The following MEN1 variants were observed in gnomAD, a reference collection of about 807,000 sequenced individuals.
MEN1 encodes menin 1.
Under a neutral mutation model 58.0 loss-of-function variants are expected in MEN1, and 6 were observed. That is an observed-to-expected ratio of 0.10 (90% confidence interval 0.06 to 0.20). MEN1 has a LOEUF of 0.20. Among genes scored for constraint, MEN1 ranks in the 10% least tolerant of loss-of-function variants. The pLI, the probability that MEN1 is intolerant of heterozygous loss-of-function variation, is 1.00. For synonymous variants in MEN1, 346 were observed against 350.7 expected, an observed-to-expected ratio of 0.99 and a Z score of 0.15; for missense variants, 492 against 818.5, an observed-to-expected ratio of 0.60 and a Z score of 4.87.
At chr11:64,805,558 T>C (rs899991405) in intron 8 of MEN1, 77 bp downstream of exon 8, 1 of 1,569,834 alleles carries the variant, frequency 6.4e-7, no homozygotes, top group African/African-American at 1.3e-5. Context: ...ATCCCGTACA[T>C]GCAGCCCCCA....
In MEN1 at chr11:64,804,935, G is replaced by A. The variant is rs1941590250; in HGVS notation, c.1350+99C>T. ...GGTCTCAGTCCCATCGGCACCCAAGGGGATGGGCAGATGCTGCCCCTGGGC... is the reference window on the plus strand; with the variant it reads ...GGTCTCAGTCCCATCGGCACCCAAGAGGATGGGCAGATGCTGCCCCTGGGC... On this transcript the variant is annotated intron_variant, in intron 9 of 9. Coordinates refer to ENST00000450708, the MANE Select transcript of MEN1 (RefSeq NM_001370259.2). The surrounding 1 kb of genome is among the most constrained non-coding windows in gnomAD (Gnocchi z 4.2). 1 of 1,598,224 alleles carries A rather than the reference G, an allele frequency of 6.3e-7. No homozygotes were observed. Among genetic ancestry groups the A allele is most frequent in the East Asian group, 2.2e-5 (1 of 44,878 alleles).
Position 64,804,636 on chromosome 11 carries a change from C to G in MEN1, c.1531G>C (p.Val511Leu). The G allele has an allele frequency of 6.2e-7, 1 of 1,604,666 alleles. No individual in the cohort carries two copies. The highest frequency in any genetic ancestry group is 8.5e-7 in the Non-Finnish European group (1 of 1,177,444). ...DKGLGTGQGA[V>L]SGPPRKPPGT... is the part of the protein sequence containing the mutation. ...GGAGGCTTCCGGGGGGGTCCTGACA[C>G]TGCACCCTGGCCGGTGCCCAGGCCC... Residue 511 changes from valine (V) to leucine (L), a missense_variant, in exon 10 of 10, where the codon GTG becomes CTG. Val to Leu is a conservative substitution (Grantham distance 32). Around this residue, in one of 5 missense-constraint regions of MEN1, gnomAD observed 79 missense variants for 82.5 expected, o/e 0.96. Transcript: ENST00000450708. This position sits in a 1 kb window ranked among gnomAD's most constrained non-coding sequence, Gnocchi z 4.2.
chr11:64,803,983 G>A lies in MEN1; in HGVS notation c.*351C>T. ...AAACCTCAGCTCCTACAAGCTGGGA[G>A]GAGCCCTGAGTAACGTTGGTCTGGC... On this transcript the variant is annotated 3_prime_UTR_variant, in exon 10 of 10. Coordinates refer to ENST00000450708, the MANE Select transcript of MEN1 (RefSeq NM_001370259.2). The A allele has an allele frequency of 2.4e-6, 1 of 419,888 alleles. No individual in the cohort carries two copies. The highest frequency in any genetic ancestry group is 2.6e-5 in the South Asian group (1 of 38,992). 26.0% of individuals were successfully genotyped at this position (419,888 alleles called of 1,614,324 possible). A position where few individuals can be genotyped will look rare whatever the true frequency, so the allele number is the denominator to read the frequency against.
chr11:64,807,272 C>T lies in MEN1; in HGVS notation c.784-53G>A, dbSNP rs1565646132. The T allele has an allele frequency of 1.3e-6, 2 of 1,589,516 alleles. No individual in the cohort carries two copies. Among genetic ancestry groups the T allele is most frequent in the Non-Finnish European group, 1.7e-6 (2 of 1,168,768 alleles). ...CCACGGAACAGGGAGGAGAACGGGT[C>T]CTTAGCCTATCGGGCAGAGGTGGGG... On this transcript the variant is annotated intron_variant, in intron 4 of 9. Transcript: ENST00000450708. This position sits in a 1 kb window ranked among gnomAD's most constrained non-coding sequence, Gnocchi z 4.9.
Position 64,807,001 on chromosome 11 carries a change from A to G in MEN1, c.912+10T>C, listed in dbSNP as rs1565645317. ...GGTCTCCCTTCTGCACCCTCCTTAG[A>G]TGCCCCCACCTTGTGGTAGAGGGTG... is the stretch of plus-strand genomic sequence containing the variant. On this transcript the variant is annotated intron_variant, in intron 6 of 9. Transcript: ENST00000450708. This position sits in a 1 kb window ranked among gnomAD's most constrained non-coding sequence, Gnocchi z 4.9. 24 of 1,612,052 alleles carry G rather than the reference A, an allele frequency of 1.5e-5. No homozygotes were observed. Among genetic ancestry groups the G allele is most frequent in the Non-Finnish European group, 1.9e-5 (22 of 1,179,662 alleles).
Position 64,803,948 on chromosome 11 carries a change from G to A in MEN1, c.*386C>T. ...TGGAGGTGGGACCTGTGCTCCTTGGGTTAAGGGTGAAACCTCAGCTCCTAC... is the reference window on the plus strand; with the variant it reads ...TGGAGGTGGGACCTGTGCTCCTTGGATTAAGGGTGAAACCTCAGCTCCTAC... On this transcript the variant is annotated 3_prime_UTR_variant, in exon 10 of 10. Coordinates refer to ENST00000450708, the MANE Select transcript of MEN1 (RefSeq NM_001370259.2). 2.6e-6 allele frequency: 1 copy of A among 389,176 alleles called. No individual in the cohort carries two copies. Among genetic ancestry groups the A allele is most frequent in the Non-Finnish European group, 4.8e-6 (1 of 208,776 alleles). The allele number at this position is 389,176 out of a possible 1,614,324, so 24.1% of individuals were successfully genotyped here. A position where few individuals can be genotyped will look rare whatever the true frequency, so the allele number is the denominator to read the frequency against.
At position 64,807,426 on chromosome 11, in the gene MEN1, G is replaced by T; in HGVS notation, c.783+126C>A. ...AGAGCCCTGGGAAAGGCCAGGCCAG[G>T]AATTACTAACCCATTTTTCCAGGAG... On this transcript the variant is annotated intron_variant, in intron 4 of 9. Coordinates refer to ENST00000450708, the MANE Select transcript of MEN1 (RefSeq NM_001370259.2). This position sits in a 1 kb window ranked among gnomAD's most constrained non-coding sequence, Gnocchi z 4.9. 1.7e-6 allele frequency: 2 copies of T among 1,148,456 alleles called. No individual in the cohort carries two copies. The highest frequency in any genetic ancestry group is 2.5e-6 in the Non-Finnish European group (2 of 784,884). The allele number at this position is 1,148,456 out of a possible 1,614,324, so 71.1% of individuals were successfully genotyped here.
chr11:64,806,007 G>C, intron 7 of MEN1: 1 of 654,674 alleles, frequency 1.5e-6, no homozygotes, highest in Non-Finnish European at 2.6e-6. Flanking sequence ...GGAGATTTGA[G>C]ACTGTTCTGA....
chr11:64,806,206 G>C, intron 7 of MEN1, 26 bp downstream of exon 7: 1 of 1,613,688 alleles, frequency 6.2e-7, no homozygotes, highest in Non-Finnish European at 8.5e-7. Context: ...AGGACAGGCT[G>C]CAGGCCCTAG....
rs762303621 is a variant in MEN1 at position 64,805,208 on chromosome 11, G to C, written c.1186-10C>G. The C allele has an allele frequency of 1.2e-6, 2 of 1,612,542 alleles. No homozygotes were observed. The highest frequency in any genetic ancestry group is 2.2e-5 in the South Asian group (2 of 90,978). ...CTTGGCTCTGGGTGCCCTGGACGAG[G>C]GGGAAGGGAGGGCACAGATCAGTCT... is the stretch of plus-strand genomic sequence containing the variant. On this transcript the variant is annotated splice_polypyrimidine_tract_variant and intron_variant, in intron 8 of 9. Coordinates refer to ENST00000450708, the MANE Select transcript of MEN1 (RefSeq NM_001370259.2).
rs2136181809 is a variant in MEN1 at position 64,809,747 on chromosome 11, G to A, written c.363C>T (p.Val121=). Residue 121 remains valine, a synonymous_variant, in exon 2 of 10, where the codon GTC becomes GTT. Transcript: ENST00000450708. ...GVSSRELVKK[V]SDVIWNSLSR... ...TGAGGCTGTTCCATATGACATCGGAGACCTTCTTCACCAGCTCACGGCTGG... is the reference window on the plus strand; with the variant it reads ...TGAGGCTGTTCCATATGACATCGGAAACCTTCTTCACCAGCTCACGGCTGG... 6.2e-7 allele frequency: 1 copy of A among 1,614,156 alleles called. No homozygotes were observed. Among genetic ancestry groups the A allele is most frequent in the South Asian group, 1.1e-5 (1 of 91,074 alleles).
In MEN1 at chr11:64,804,697, C is replaced by T. The variant is rs1183051434; in HGVS notation, c.1470G>A (p.Glu490=). Residue 490 remains glutamate, a synonymous_variant, in exon 10 of 10, where the codon GAG becomes GAA. Coordinates refer to ENST00000450708, the MANE Select transcript of MEN1 (RefSeq NM_001370259.2). This position sits in a 1 kb window ranked among gnomAD's most constrained non-coding sequence, Gnocchi z 4.2. ...RRGPRRESKP[E]EPPPPKKPAL... is the part of the protein sequence containing the mutation. ...CTGGCTTCTTGGGCGGCGGGGGCTC[C>T]TCTGGCTTGGACTCCCGCCGTGGGC... is the stretch of plus-strand genomic sequence containing the variant. 3.1e-6 allele frequency: 5 copies of T among 1,596,186 alleles called. No individual in the cohort carries two copies. Among genetic ancestry groups the T allele is most frequent in the East Asian group, 2.2e-5 (1 of 44,712 alleles).
chr11:64,809,654 T>C lies in MEN1; in HGVS notation c.445+11A>G. 6.2e-7 allele frequency: 1 copy of C among 1,613,968 alleles called. No individual in the cohort carries two copies. Among genetic ancestry groups the C allele is most frequent in the Non-Finnish European group, 8.5e-7 (1 of 1,179,810 alleles). ...GGTCATGGATAAGATTCCCACCTAC[T>C]GGGCTCCAACCTGTGATGAAGCTGA... is the stretch of plus-strand genomic sequence containing the variant. On this transcript the variant is annotated intron_variant, in intron 2 of 9. Transcript: ENST00000450708.
At chr11:64,809,567 A>G in intron 2 of MEN1, 98 bp downstream of exon 2, 5 of 1,454,608 alleles carry the variant, frequency 3.4e-6, no homozygotes, top group South Asian at 1.2e-5. Context: ...CACCTGCCGA[A>G]CCTCACAAGG....
At chr11:64,806,477 G>A in intron 6 of MEN1, 109 bp from the exon 7 acceptor site, 2 of 1,314,556 alleles carry the variant, frequency 1.5e-6, no homozygotes, top group Non-Finnish European at 2.2e-6. Flanking sequence ...AGATCCCAGG[G>A]AGTCCTCTCC....
intron 1 of MEN1, 71 bp downstream of exon 1, chr11:64,810,443 G>A (rs1399803797): frequency 8.5e-5 from 29 of 342,092 alleles, no homozygotes; most frequent in Non-Finnish European, 1.4e-4. Flanking sequence ...TGTAAAGTCT[G>A]TCCAGAAAGC....
intron 2 of MEN1, 98 bp from the exon 3 acceptor site, chr11:64,808,197 C>A: frequency 1.7e-6 from 2 of 1,186,458 alleles, no homozygotes; most frequent in South Asian, 2.7e-5. Context: ...CACTCCCTTT[C>A]CAAGCCTGTG....
chr11:64,809,245 C>T (rs1592655964), intron 2 of MEN1, among the ~76,000 whole-genome samples: 2 of 123,768 alleles, frequency 1.6e-5, no homozygotes, highest in South Asian at 5.3e-4. Flanking sequence ...GCCTGGGGGA[C>T]AGAGTGAGAC....
Position 64,807,038 on chromosome 11 carries a change from C to T in MEN1, c.885G>A (p.Arg295=), listed in dbSNP as rs1165975673. 1 of 1,613,240 alleles carries T rather than the reference C, an allele frequency of 6.2e-7. No individual in the cohort carries two copies. The highest frequency in any genetic ancestry group is 8.5e-7 in the Non-Finnish European group (1 of 1,179,996). ...TGTGGTAGAGGGTGAGTGGGTCTGG[C>T]CGGCCAGGGGTGGGCTCCAGCTCCT... The part of the protein sequence containing the change: ...DLEELEPTPG[R]PDPLTLYHKG... The change falls in exon 6 of 10, where the codon CGG becomes CGA. Residue 295 remains arginine, a synonymous_variant. Transcript: ENST00000450708. The surrounding 1 kb of genome is among the most constrained non-coding windows in gnomAD (Gnocchi z 4.9).
Sources: allele counts gnomAD v4.1 joint callset (sites outside exome capture counted in the v4.1 genomes callset), GRCh38; gene constraint gnomAD v4.1.1; regional missense constraint gnomAD v4.1.1; non-coding constraint Gnocchi (gnomAD v3.1); transcripts MANE v1.5; gene names NCBI Gene and HGNC (gene_info 2026-07-23, HGNC 2026-07-21).